NEURL1: variants seen among roughly 807,000 people sequenced by gnomAD.
The protein encoded by NEURL1 is neuralized E3 ubiquitin protein ligase 1.
In NEURL1, 26 loss-of-function variants were observed where a neutral mutation model predicts 41.2. The ratio of observed to expected loss-of-function variants is 0.63; its 90% CI spans 0.46 to 0.87. The LOEUF is 0.87. Ranked by LOEUF, NEURL1 falls within the 40% of genes least tolerant of loss-of-function variation. The pLI is 0.00. For missense variants in NEURL1, 761 were observed against 871.1 expected (o/e 0.87, Z 1.59); for synonymous variants, 400 against 402.3 (o/e 0.99, Z 0.07).
intron 1 of NEURL1, among the ~76,000 whole-genome samples, chr10:103,535,686 A>C (rs2034676730): frequency 1.3e-5 from 2 of 152,136 alleles, no homozygotes; most frequent in African/African-American, 4.8e-5. Context: ...CAGGGTACCT[A>C]GGAAATCAGT....
intron 1 of NEURL1, among the ~76,000 whole-genome samples, chr10:103,552,361 C>T (rs1224989230): frequency 4.6e-5 from 7 of 152,200 alleles, no homozygotes; most frequent in African/African-American, 1.4e-4. Context: ...GGAGCGTTTC[C>T]TGAGGCTCCT....
At chr10:103,548,259 G>A (rs1185952687) in intron 1 of NEURL1, among the ~76,000 whole-genome samples, 1 of 152,226 alleles carries the variant, frequency 6.6e-6, no homozygotes, top group African/African-American at 2.4e-5. Context: ...TGCAGAGTAA[G>A]CGGGTACCGA....
chr10:103,548,529 G>C (rs1005609531), intron 1 of NEURL1, among the ~76,000 whole-genome samples: 1 of 150,678 alleles, frequency 6.6e-6, no homozygotes, highest in Non-Finnish European at 1.5e-5. Context: ...CATCATGTTG[G>C]CCAGGATGGT....
chr10:103,575,573 G>A (rs1478943012), intron 3 of NEURL1, among the ~76,000 whole-genome samples: 1 of 152,222 alleles, frequency 6.6e-6, no homozygotes, highest in Non-Finnish European at 1.5e-5. Context: ...AGACAGAGTG[G>A]AGGCAGGGGC....
chr10:103,513,162 C>A (rs897364074), intron 1 of NEURL1, among the ~76,000 whole-genome samples: 1 of 152,184 alleles, frequency 6.6e-6, no homozygotes, highest in African/African-American at 2.4e-5. Flanking sequence ...TCCCTGGCAG[C>A]CCCCAGGTCT....
chr10:103,535,006 G>A (rs752479428), intron 1 of NEURL1, among the ~76,000 whole-genome samples: 10 of 152,130 alleles, frequency 6.6e-5, no homozygotes, highest in Non-Finnish European at 1.3e-4. Flanking sequence ...TTTGGGCCTG[G>A]GAGACAAGGC....
rs764248097 is a variant in NEURL1, at chr10:103,571,714, C to T, written c.541C>T (p.Arg181Cys). Residue 181 changes from arginine (R) to cysteine (C), a missense_variant, in exon 3 of 6, where the codon CGC becomes TGC. Arg to Cys is a radical substitution (Grantham distance 180). This residue lies in a region of NEURL1 where 114 missense variants were observed against 144.8 expected (regional missense o/e 0.79). Transcript: ENST00000369780. ...WVDKKGRVFH[R>C]INDSAVMLFF... ...GGACAAGAAGGGCCGTGTCTTCCACCGCATCAACGACTCGGCTGTTATGCT... is the reference window on the plus strand; with the variant it reads ...GGACAAGAAGGGCCGTGTCTTCCACTGCATCAACGACTCGGCTGTTATGCT... 59 of 1,614,110 alleles carry T rather than the reference C, an allele frequency of 3.7e-5. No homozygotes were observed. The highest frequency in any genetic ancestry group is 1.0e-4 in the Admixed American group (6 of 60,014).
intron 3 of NEURL1, among the ~76,000 whole-genome samples, chr10:103,582,308 C>A (rs2035798552): frequency 6.6e-6 from 1 of 152,170 alleles, no homozygotes; most frequent in Non-Finnish European, 1.5e-5. Flanking sequence ...TGGCTTTCCC[C>A]CACTCTGCAC....
At chr10:103,587,637 A>G (rs1028968164) in intron 4 of NEURL1, among the ~76,000 whole-genome samples, 2 of 152,230 alleles carry the variant, frequency 1.3e-5, no homozygotes, top group Middle Eastern at 3.2e-3. Context: ...TCCTTCACTC[A>G]TGTGTATCAC....
At chr10:103,514,571 T>C (rs1168492965) in intron 1 of NEURL1, among the ~76,000 whole-genome samples, 1 of 152,130 alleles carries the variant, frequency 6.6e-6, no homozygotes, top group East Asian at 1.9e-4. Context: ...AAAGTTTGTC[T>C]GGGGAAGTCC....
intron 1 of NEURL1, among the ~76,000 whole-genome samples, chr10:103,503,595 A>G (rs1306539040): frequency 3.3e-5 from 5 of 152,274 alleles, no homozygotes; most frequent in Non-Finnish European, 5.9e-5. Flanking sequence ...GCTGAGGGCC[A>G]TCAGCCGTGG....
In NEURL1 at chr10:103,589,590, C is replaced by T; in HGVS notation, c.1416C>T (p.Ala472=). The change falls in exon 5 of 6, where the codon GCC becomes GCT. Residue 472 remains alanine (A), a synonymous_variant. Coordinates refer to ENST00000369780, the MANE Select transcript of NEURL1 (RefSeq NM_004210.5). ...SPASTPTSPS[A]LGSRLSDPLL... Reference sequence around the variant, plus strand: ...CCTCCACGCCAACCTCGCCCAGTGCCCTGGGCAGCCGCCTGTCTGACCCCT... The same window carrying T: ...CCTCCACGCCAACCTCGCCCAGTGCTCTGGGCAGCCGCCTGTCTGACCCCT... The T allele has an allele frequency of 1.2e-6, 2 of 1,614,040 alleles. No individual in the cohort carries two copies. Among genetic ancestry groups the T allele is most frequent in the Non-Finnish European group, 1.7e-6 (2 of 1,179,936 alleles).
rs756014402 is a variant in NEURL1 at position 103,590,165 on chromosome 10, C to A, written c.1518C>A (p.Pro506=). ...CCCCCAATTCGCCAGTGAGCCTGCC[C>A]GAGTCGCCAGTGACCCCAGGTCTGG... ...GTAPNSPVSL[P]ESPVTPGLGQ... Residue 506 remains proline, a synonymous_variant, in exon 6 of 6, where the codon CCC becomes CCA. Transcript: ENST00000369780. The A allele has an allele frequency of 1.9e-6, 3 of 1,614,116 alleles. No homozygotes were observed. In the South Asian group the frequency reaches 3.3e-5, roughly 18 times the overall value.
intron 1 of NEURL1, among the ~76,000 whole-genome samples, chr10:103,550,014 C>G (rs1268576304): frequency 2.0e-5 from 3 of 152,234 alleles, no homozygotes; most frequent in Non-Finnish European, 2.9e-5. Context: ...TCTGGAGGCT[C>G]TTCCCCATTA....
In NEURL1 at chr10:103,494,153, T is replaced by G; in HGVS notation, c.-235T>G. The stretch of plus-strand genomic sequence containing the variant: ...TGGCCCCCGCTCCCGCCACGGGGCA[T>G]GGGAGGCAGGTAGCCCAGCCTGCGC... On this transcript the variant is annotated 5_prime_UTR_variant, in exon 1 of 6. It removes an upstream start codon present in the reference 5' UTR. Coordinates refer to ENST00000369780, the MANE Select transcript of NEURL1 (RefSeq NM_004210.5). The G allele has an allele frequency of 2.3e-5, 10 of 443,160 alleles. No individual in the cohort carries two copies. Among genetic ancestry groups the G allele is most frequent in the Non-Finnish European group, 3.2e-5 (8 of 250,656 alleles). 27.5% of individuals were successfully genotyped at this position (443,160 alleles called of 1,614,324 possible). A position where few individuals can be genotyped will look rare whatever the true frequency, so the allele number is the denominator to read the frequency against.
intron 4 of NEURL1, 135 bp from the exon 5 acceptor site, chr10:103,589,379 C>A: frequency 1.1e-6 from 1 of 945,408 alleles, no homozygotes; most frequent in Non-Finnish European, 1.5e-6. Flanking sequence ...CCCGCGCCAG[C>A]CTGCAAAATC....
Position 103,584,588 on chromosome 10 carries a change from G to A in NEURL1, c.702G>A (p.Leu234=). The A allele has an allele frequency of 1.4e-6, 2 of 1,415,878 alleles. No individual in the cohort carries two copies. The highest frequency in any genetic ancestry group is 1.8e-6 in the Non-Finnish European group (2 of 1,090,658). 87.7% of individuals were successfully genotyped at this position (1,415,878 alleles called of 1,614,324 possible). ...DCLRPRSFTA[L]RRPSLRREAD... is the part of the protein sequence containing the mutation. ...TGCGGCCGCGCTCCTTCACCGCCCT[G>A]CGGCGGCCGTCGCTGCGGCGCGAGG... is the stretch of plus-strand genomic sequence containing the variant. Residue 234 remains leucine (L), a synonymous_variant, in exon 4 of 6, where the codon CTG becomes CTA. Coordinates refer to ENST00000369780, the MANE Select transcript of NEURL1 (RefSeq NM_004210.5).
intron 1 of NEURL1, among the ~76,000 whole-genome samples, chr10:103,552,266 A>G (rs1438607107): frequency 6.6e-6 from 1 of 152,078 alleles, no homozygotes; most frequent in African/African-American, 2.4e-5. Flanking sequence ...GGACTTCCCT[A>G]TTGCTCTCAG....
At position 103,570,987 on chromosome 10, in the gene NEURL1, G is replaced by A. The variant is rs745488798; in HGVS notation, c.201G>A (p.Pro67=). Residue 67 remains proline (P), a synonymous_variant, in exon 2 of 6, where the codon CCG becomes CCA. Transcript: ENST00000369780. ...CAGCCACGCCGCTGCTCTTCCACCCGCACACCAAGGGCTCCCAGATCCTCA... is the reference window on the plus strand; with the variant it reads ...CAGCCACGCCGCTGCTCTTCCACCCACACACCAAGGGCTCCCAGATCCTCA... The part of the protein sequence containing the change: ...GLPATPLLFH[P]HTKGSQILMD... 1.4e-5 allele frequency: 22 copies of A among 1,613,826 alleles called. No individual in the cohort carries two copies. The highest frequency in any genetic ancestry group is 1.2e-4 in the South Asian group (11 of 91,090).
Sources: gnomAD v4.1 joint callset for allele counts (sites outside exome capture counted in the v4.1 genomes callset) on GRCh38, gnomAD v4.1.1 for gene constraint, gnomAD v4.1.1 regional missense constraint, MANE v1.5 for transcripts, NCBI Gene and HGNC (gene_info 2026-07-23, HGNC 2026-07-21) for gene names.